Variants in DOCK1 observed in about 807,000 individuals in gnomAD.
The protein encoded by DOCK1 is dedicator of cytokinesis 1, also known as dedicator of cytokinesis protein 1.
In DOCK1, 138 loss-of-function variants were observed where a neutral mutation model predicts 262.7. That is an observed-to-expected ratio of 0.53 (90% confidence interval 0.46 to 0.61). The LOEUF (loss-of-function observed/expected upper bound fraction) is 0.61. DOCK1 is among the 20% of genes least tolerant of loss of function. The probability of loss-of-function intolerance (pLI) is 0.00; values close to 1 mark genes in which losing one functional copy is unlikely to be tolerated. For synonymous variants in DOCK1, 866 were observed against 867.4 expected (o/e 1.00, Z 0.03); for missense variants, 1,908 against 2,370.7 (o/e 0.80, Z 4.05).
intron 21 of DOCK1, among the ~76,000 whole-genome samples, chr10:127,049,798 A>G (rs973781156): frequency 2.0e-5 from 3 of 152,138 alleles, no homozygotes; most frequent in African/African-American, 7.2e-5. Context: ...TAGAAGATCA[A>G]AATTTCAAGA....
At chr10:127,215,503 A>C (rs1564909741) in intron 27 of DOCK1, among the ~76,000 whole-genome samples, 1 of 152,236 alleles carries the variant, frequency 6.6e-6, no homozygotes, top group Non-Finnish European at 1.5e-5. Context: ...CTGTAGCTAC[A>C]TTCTGTACCT....
At chr10:127,228,641 G>T (rs1029559245) in intron 27 of DOCK1, among the ~76,000 whole-genome samples, 2 of 152,164 alleles carry the variant, frequency 1.3e-5, no homozygotes, top group African/African-American at 4.8e-5. Context: ...CTTGCATGCT[G>T]GAGCAGAACC....
chr10:127,170,301 T>C (rs1312830888), intron 27 of DOCK1, among the ~76,000 whole-genome samples: 1 of 152,154 alleles, frequency 6.6e-6, no homozygotes, highest in East Asian at 1.9e-4. Flanking sequence ...CACTACCTGC[T>C]GGTCATGTTT....
chr10:127,316,019 T>G (rs1271191857), intron 29 of DOCK1, among the ~76,000 whole-genome samples: 1 of 152,000 alleles, frequency 6.6e-6, no homozygotes, highest in African/African-American at 2.4e-5. Context: ...TTTTGAATCC[T>G]TACTCTTTAA....
At chr10:126,950,893 ATGT>A (rs2036157532) in intron 1 of DOCK1, among the ~76,000 whole-genome samples, 1 of 151,932 alleles carries the variant, frequency 6.6e-6, no homozygotes, top group Non-Finnish European at 1.5e-5. Flanking sequence ...GGTGCTGGTG[ATGT>A]TGGTGATGTT....
intron 7 of DOCK1, 23 bp from the exon 8 acceptor site, chr10:126,998,069 T>G: frequency 6.2e-7 from 1 of 1,613,286 alleles, no homozygotes; most frequent in Non-Finnish European, 8.5e-7. Flanking sequence ...TGGGGTTGAC[T>G]TTCTGTTTCC....
At chr10:127,004,239 CA>C (rs566053855) in intron 10 of DOCK1, among the ~76,000 whole-genome samples, 76 of 117,376 alleles carry the variant, frequency 6.5e-4, no homozygotes, top group Non-Finnish European at 7.3e-4. Context: ...GACTCCATCT[CA>C]AAAAAAAAAA....
intron 1 of DOCK1, among the ~76,000 whole-genome samples, chr10:126,926,334 C>T (rs1354767895): frequency 1.3e-5 from 2 of 151,098 alleles, no homozygotes; most frequent in East Asian, 1.9e-4. Flanking sequence ...GCTCTCAGCT[C>T]GAAAATAGGT....
chr10:127,200,833 G>T (rs1411236108), intron 27 of DOCK1, among the ~76,000 whole-genome samples: 1 of 152,208 alleles, frequency 6.6e-6, no homozygotes, highest in Admixed American at 6.5e-5. Flanking sequence ...ATCTAGAGGT[G>T]AGGAATGCCT....
intron 1 of DOCK1, among the ~76,000 whole-genome samples, chr10:126,960,633 C>T (rs1173673898): frequency 6.6e-6 from 1 of 151,090 alleles, no homozygotes; most frequent in Non-Finnish European, 1.5e-5. Context: ...AAGAACTCAT[C>T]TGTTTATATT....
chr10:127,178,809 G>C (rs148807727), intron 27 of DOCK1, among the ~76,000 whole-genome samples: 1 of 152,178 alleles, frequency 6.6e-6, no homozygotes, highest in Non-Finnish European at 1.5e-5. Context: ...GGGACAAGGC[G>C]TGCCTGCTCA....
rs550031606 is a variant in DOCK1 at position 127,251,040 on chromosome 10, A to G, written c.2949+2931A>G. Among the ~76,000 whole-genome samples, 9 of 151,786 alleles carry G rather than the reference A, an allele frequency of 5.9e-5. No individual in the cohort carries two copies. In the South Asian group the frequency reaches 6.3e-4, roughly 11 times the overall value. ...TACAATGGTGCAATCTCGGCTCACCACAACCTCCTCCTCCAGGGTTCAAGC... is the reference window on the plus strand; with the variant it reads ...TACAATGGTGCAATCTCGGCTCACCGCAACCTCCTCCTCCAGGGTTCAAGC... On this transcript the variant is annotated intron_variant, in intron 28 of 51. Transcript: ENST00000623213.
intron 49 of DOCK1, among the ~76,000 whole-genome samples, chr10:127,440,132 G>A (rs887694801): frequency 3.0e-5 from 4 of 131,672 alleles, no homozygotes; most frequent in Non-Finnish European, 6.3e-5. Flanking sequence ...GGGAGCAGGC[G>A]TGTCACATGG....
rs141481498 is a variant in DOCK1, at chr10:127,327,087, A to G, written c.3045-11919A>G. Among the ~76,000 whole-genome samples, 224 of 152,340 alleles carry G rather than the reference A, an allele frequency of 1.5e-3. 9 individuals carry two copies. In the East Asian group the frequency reaches 0.031, roughly 21 times the overall value. ...AGAGCATATGCAGAGTAGATTTAGC[A>G]TAATTCTTAAGGGCGCTAGGATGTT... is the stretch of plus-strand genomic sequence containing the variant. On this transcript the variant is annotated intron_variant, in intron 29 of 51. Transcript: ENST00000623213.
chr10:127,280,568 G>C (rs1391870918), intron 29 of DOCK1, among the ~76,000 whole-genome samples: 1 of 152,130 alleles, frequency 6.6e-6, no homozygotes, highest in African/African-American at 2.4e-5. Flanking sequence ...GGACAAAGTT[G>C]GCAATTTGTT....
At chr10:127,143,454 T>A (rs767015645) in intron 27 of DOCK1, among the ~76,000 whole-genome samples, 2 of 152,320 alleles carry the variant, frequency 1.3e-5, no homozygotes, top group Admixed American at 6.5e-5. Flanking sequence ...CTTGGGGACC[T>A]GAGCTTGCTT....
intron 45 of DOCK1, 123 bp downstream of exon 45, chr10:127,418,664 A>G: frequency 8.0e-7 from 1 of 1,244,710 alleles, no homozygotes; most frequent in South Asian, 1.6e-5. Context: ...GCAGTGGCCC[A>G]GCCAAGGCCA....
At chr10:127,301,959 A>G (rs1242272123) in intron 29 of DOCK1, among the ~76,000 whole-genome samples, 2 of 151,558 alleles carry the variant, frequency 1.3e-5, no homozygotes, top group African/African-American at 2.4e-5. Context: ...AAAAAAAAAA[A>G]AGAAAAAAAA....
At chr10:127,036,805 C>T (rs1305876550) in intron 18 of DOCK1, among the ~76,000 whole-genome samples, 1 of 151,760 alleles carries the variant, frequency 6.6e-6, no homozygotes, top group East Asian at 1.9e-4. Flanking sequence ...GAAATCCTGT[C>T]TCCACTAAAA....
Sources: allele counts gnomAD v4.1 joint callset (sites outside exome capture counted in the v4.1 genomes callset), GRCh38; gene constraint gnomAD v4.1.1; transcripts MANE v1.5; gene names NCBI Gene and HGNC (gene_info 2026-07-23, HGNC 2026-07-21).